The following ARK2C variants were observed in gnomAD, a reference collection of about 807,000 sequenced individuals.
The protein encoded by ARK2C is arkadia (RNF111) C-terminal like ring finger ubiquitin ligase 2C, also known as E3 ubiquitin-protein ligase ARK2C.
chr18:46,423,814 T>G, the ARK2C span, among the ~76,000 whole-genome samples: 1 of 152,224 alleles, frequency 6.6e-6, no homozygotes, highest in Non-Finnish European at 1.5e-5. Flanking sequence ...GAGGATTCCA[T>G]GAAGAACTAT....
chr18:46,454,247 GC>G, the ARK2C span, among the ~76,000 whole-genome samples: 6 of 151,286 alleles, frequency 4.0e-5, no homozygotes, highest in Non-Finnish European at 7.4e-5. Flanking sequence ...AATAATGATG[GC>G]AAAAAAATAG....
the ARK2C span, among the ~76,000 whole-genome samples, chr18:46,344,964 G>A: frequency 6.6e-6 from 1 of 152,228 alleles, no homozygotes; most frequent in Non-Finnish European, 1.5e-5. Context: ...ATGTCCCTCA[G>A]GACGGAGGGG....
the ARK2C span, among the ~76,000 whole-genome samples, chr18:46,445,380 G>A: frequency 6.6e-6 from 1 of 152,130 alleles, no homozygotes; most frequent in African/African-American, 2.4e-5. Flanking sequence ...CTCTGCTCTG[G>A]CTGACTGGAA....
the ARK2C span, among the ~76,000 whole-genome samples, chr18:46,389,271 G>T: frequency 1.6e-4 from 25 of 152,338 alleles, no homozygotes; most frequent in East Asian, 4.8e-3. Context: ...GAAAGATAGA[G>T]ATTCAATGGG....
the ARK2C span, among the ~76,000 whole-genome samples, chr18:46,343,950 G>C: frequency 6.6e-6 from 1 of 152,210 alleles, no homozygotes; most frequent in Non-Finnish European, 1.5e-5. Flanking sequence ...TGCTGCTCTT[G>C]TTGGGCCACT....
the ARK2C span, chr18:46,337,342 A>G: frequency 1.0e-6 from 1 of 985,280 alleles, no homozygotes; most frequent in African/African-American, 1.7e-5. Flanking sequence ...TTCTGTATCA[A>G]ATATCCTTTT....
At chr18:46,334,694 GTGTGT>G in the ARK2C span, 1 of 311,312 alleles carries the variant, frequency 3.2e-6, no homozygotes. The surrounding 1 kb of genome is among the most constrained non-coding windows in gnomAD (Gnocchi z 4.4). Context: ...GTGTGTGTGT[GTGTGT>G]GTGTGTGTGT....
At chr18:46,390,026 G>C in the ARK2C span, among the ~76,000 whole-genome samples, 4 of 152,272 alleles carry the variant, frequency 2.6e-5, no homozygotes, top group East Asian at 3.9e-4. Context: ...CCATGAAATG[G>C]TCATTTCTAA....
chr18:46,445,720 G>T, the ARK2C span, among the ~76,000 whole-genome samples: 1 of 152,184 alleles, frequency 6.6e-6, no homozygotes, highest in Non-Finnish European at 1.5e-5. Context: ...AGGTTGCAGA[G>T]CTCACCTCAT....
chr18:46,355,868 A>G, the ARK2C span, among the ~76,000 whole-genome samples: 3 of 152,156 alleles, frequency 2.0e-5, no homozygotes, highest in African/African-American at 7.2e-5. Context: ...TGGCCCTGCC[A>G]TGTTGGGTAT....
the ARK2C span, among the ~76,000 whole-genome samples, chr18:46,405,321 G>C: frequency 6.6e-6 from 1 of 152,182 alleles, no homozygotes; most frequent in Non-Finnish European, 1.5e-5. Context: ...CCCTGCTGCT[G>C]CTGGGAGCCA....
At chr18:46,360,154 C>T in the ARK2C span, among the ~76,000 whole-genome samples, 1 of 152,180 alleles carries the variant, frequency 6.6e-6, no homozygotes, top group Non-Finnish European at 1.5e-5. Flanking sequence ...GCTCACTCCT[C>T]CAAACAGAGC....
At chr18:46,421,106 G>A in the ARK2C span, among the ~76,000 whole-genome samples, 1 of 152,188 alleles carries the variant, frequency 6.6e-6, no homozygotes, top group African/African-American at 2.4e-5. Flanking sequence ...GATGCACACT[G>A]ACCACCTCCG....
chr18:46,440,312 C>T, the ARK2C span, among the ~76,000 whole-genome samples: 1 of 152,120 alleles, frequency 6.6e-6, no homozygotes, highest in Admixed American at 6.5e-5. Flanking sequence ...ATTCACATAA[C>T]ATTTTTTGCA....
chr18:46,448,155 C>T, the ARK2C span, among the ~76,000 whole-genome samples: 1 of 151,030 alleles, frequency 6.6e-6, no homozygotes, highest in Non-Finnish European at 1.5e-5. Context: ...AACCCCCATG[C>T]CCTGACTCTC....
At chr18:46,450,656 G>A in the ARK2C span, 28 of 1,408,140 alleles carry the variant, frequency 2.0e-5, no homozygotes, top group South Asian at 8.1e-5. Flanking sequence ...TGTGCATGTG[G>A]GCATTTATAC....
chr18:46,379,470 G>A, the ARK2C span, among the ~76,000 whole-genome samples: 2 of 152,162 alleles, frequency 1.3e-5, no homozygotes, highest in African/African-American at 4.8e-5. Flanking sequence ...TTACAGATGA[G>A]GGAATAAGTC....
chr18:46,369,026 G>A, the ARK2C span, among the ~76,000 whole-genome samples: 1 of 152,310 alleles, frequency 6.6e-6, no homozygotes, highest in African/African-American at 2.4e-5. Flanking sequence ...TAGTTTAAGT[G>A]TTACTCTACA....
At chr18:46,456,527 C>A in the ARK2C span, 1 of 1,612,478 alleles carries the variant, frequency 6.2e-7, no homozygotes, top group Non-Finnish European at 8.5e-7. Context: ...AGACGCCTAC[C>A]CTGTATGCAT....
Sources: gnomAD v4.1 joint callset for allele counts (sites outside exome capture counted in the v4.1 genomes callset) on GRCh38, gnomAD v4.1.1 for gene constraint, Gnocchi (gnomAD v3.1) non-coding constraint, MANE v1.5 for transcripts, NCBI Gene and HGNC (gene_info 2026-07-23, HGNC 2026-07-21) for gene names.